Variants in TRIQK observed in about 807,000 individuals in gnomAD.
TRIQK encodes triple QxxK/R motif-containing protein.
In TRIQK, 10 loss-of-function variants were observed where a neutral mutation model predicts 10.8. The ratio of observed to expected loss-of-function variants is 0.92; its 90% CI spans 0.57 to 1.57. The LOEUF is 1.57. Among genes scored for constraint, TRIQK ranks in the 40% most tolerant of loss-of-function variants. The pLI, the probability that TRIQK is intolerant of heterozygous loss-of-function variation, is 0.00. For missense variants in TRIQK, 107 were observed against 97.7 expected, an observed-to-expected ratio of 1.09 and a Z score of -0.40; for synonymous variants, 33 against 33.7, an observed-to-expected ratio of 0.98 and a Z score of 0.07.
At chr8:93,011,511 A>G (rs902502390) in intron 1 of TRIQK, among the ~76,000 whole-genome samples, 2 of 152,254 alleles carry the variant, frequency 1.3e-5, no homozygotes, top group Admixed American at 1.3e-4. Flanking sequence ...TAGCTTACAC[A>G]CAACTTATTT....
chr8:92,969,768 CT>C (rs1812855053), upstream of TRIQK, among the ~76,000 whole-genome samples: 1 of 144,134 alleles, frequency 6.9e-6, no homozygotes, highest in African/African-American at 2.8e-5. Context: ...TTTATATTTT[CT>C]TTTTTTAAAA....
intron 1 of TRIQK, among the ~76,000 whole-genome samples, chr8:93,001,019 G>C (rs1429730590): frequency 6.6e-6 from 1 of 151,968 alleles, no homozygotes; most frequent in Non-Finnish European, 1.5e-5. Context: ...CAATTAAAAG[G>C]TATAGAGGCT....
chr8:92,940,417 G>A (rs1240281809), intron 2 of TRIQK, among the ~76,000 whole-genome samples: 1 of 151,082 alleles, frequency 6.6e-6, no homozygotes, highest in Admixed American at 6.6e-5. Context: ...CAAACTGATA[G>A]TGAAGTAACA....
intron 1 of TRIQK, among the ~76,000 whole-genome samples, chr8:93,015,337 T>G (rs917588746): frequency 6.6e-6 from 1 of 151,900 alleles, no homozygotes; most frequent in East Asian, 1.9e-4. Context: ...CAAAGCAAAT[T>G]TAGTGGTGGT....
At chr8:92,975,716 T>A (rs1812923303) in intron 1 of TRIQK, among the ~76,000 whole-genome samples, 1 of 152,036 alleles carries the variant, frequency 6.6e-6, no homozygotes, top group Non-Finnish European at 1.5e-5. Flanking sequence ...TAACTTTGGA[T>A]TTAATTTGCT....
At chr8:93,013,184 T>C (rs9297917) in intron 1 of TRIQK, among the ~76,000 whole-genome samples, 21,478 of 152,212 alleles carry the variant, frequency 0.14, 1,535 homozygotes, top group East Asian at 0.19. Flanking sequence ...CACAGTCTCC[T>C]AAATATTCCA....
chr8:93,009,048 G>A (rs992787035), intron 1 of TRIQK, among the ~76,000 whole-genome samples: 1 of 152,180 alleles, frequency 6.6e-6, no homozygotes, highest in Non-Finnish European at 1.5e-5. Flanking sequence ...GATAACAGAA[G>A]AAATTATTTG....
At chr8:92,970,401 A>T (rs938761474), upstream of TRIQK, among the ~76,000 whole-genome samples, 3 of 152,198 alleles carry the variant, frequency 2.0e-5, no homozygotes, top group African/African-American at 7.2e-5. Flanking sequence ...TGGTTGAACT[A>T]ATTTACATTT....
chr8:92,986,277 G>A (rs1191998642), intron 1 of TRIQK, among the ~76,000 whole-genome samples: 1 of 151,994 alleles, frequency 6.6e-6, no homozygotes, highest in Non-Finnish European at 1.5e-5. Flanking sequence ...AAGCATCAAT[G>A]CAATATTATC....
chr8:92,893,849 C>T (rs201140318), intron 3 of TRIQK, among the ~76,000 whole-genome samples: 3 of 98,712 alleles, frequency 3.0e-5, no homozygotes, highest in Non-Finnish European at 4.0e-5. Context: ...GATGCTATGG[C>T]GGGGGGTGGG....
intron 1 of TRIQK, among the ~76,000 whole-genome samples, chr8:92,986,603 A>G (rs1440505015): frequency 6.6e-6 from 1 of 152,190 alleles, no homozygotes; most frequent in Non-Finnish European, 1.5e-5. Context: ...TGTAATACAG[A>G]ACATGTGAAG....
At chr8:92,912,936 A>G (rs1446038329) in intron 3 of TRIQK, among the ~76,000 whole-genome samples, 1 of 152,134 alleles carries the variant, frequency 6.6e-6, no homozygotes, top group African/African-American at 2.4e-5. Flanking sequence ...AAAAAGAGGG[A>G]ACACCTTCAA....
intron 2 of TRIQK, among the ~76,000 whole-genome samples, chr8:92,936,331 T>C (rs939338008): frequency 4.6e-5 from 7 of 151,688 alleles, no homozygotes; most frequent in African/African-American, 1.7e-4. Context: ...TTAGATATTA[T>C]CTTAGTAGTA....
At chr8:92,976,885 A>T (rs2130741253) in intron 1 of TRIQK, among the ~76,000 whole-genome samples, 1 of 152,132 alleles carries the variant, frequency 6.6e-6, no homozygotes, top group Non-Finnish European at 1.5e-5. Flanking sequence ...ACATATAGTT[A>T]AAGAAGCTTG....
At chr8:92,930,204 A>AC (rs945637499) in intron 2 of TRIQK, among the ~76,000 whole-genome samples, 6 of 149,072 alleles carry the variant, frequency 4.0e-5, no homozygotes, top group African/African-American at 1.5e-4. Flanking sequence ...ATGGTGAAAC[A>AC]CCCCCCCACC....
chr8:92,921,487 T>G (rs1400857295), intron 2 of TRIQK: 4 of 151,750 alleles, frequency 2.6e-5, no homozygotes, highest in Non-Finnish European at 5.9e-5. Flanking sequence ...TAATGTTTCC[T>G]ACTTCTAGAA....
chr8:92,940,566 C>A (rs1586464064), intron 2 of TRIQK, among the ~76,000 whole-genome samples: 2 of 152,120 alleles, frequency 1.3e-5, no homozygotes, highest in Middle Eastern at 3.4e-3. Flanking sequence ...ACTTGTCCAG[C>A]AAAAGGATTT....
At chr8:92,911,889 ATG>A (rs987109026) in intron 3 of TRIQK, among the ~76,000 whole-genome samples, 13 of 141,740 alleles carry the variant, frequency 9.2e-5, no homozygotes, top group African/African-American at 3.6e-4. Context: ...ATATATGTAT[ATG>A]TGTGTGTAGA....
chr8:92,945,098 T>C (rs1811461325), intron 2 of TRIQK, among the ~76,000 whole-genome samples: 1 of 152,190 alleles, frequency 6.6e-6, no homozygotes, highest in African/African-American at 2.4e-5. Context: ...TTAAAGAAGC[T>C]GGCCAGATGC....
Sources: allele counts gnomAD v4.1 joint callset (sites outside exome capture counted in the v4.1 genomes callset), GRCh38; gene constraint gnomAD v4.1.1; transcripts MANE v1.5; gene names NCBI Gene and HGNC (gene_info 2026-07-23, HGNC 2026-07-21).